MBNL2: variants seen among roughly 807,000 people sequenced by gnomAD.
MBNL2 encodes the protein muscleblind like splicing regulator 2.
MBNL2 carries 17 observed loss-of-function variants against 41.9 expected under a neutral mutation model. The observed-to-expected ratio is 0.41, with a 90% CI of 0.28 to 0.61. The LOEUF (loss-of-function observed/expected upper bound fraction) is 0.61. Ranked by LOEUF, MBNL2 falls within the 20% of genes least tolerant of loss-of-function variation. MBNL2 has a pLI of 0.35. For synonymous variants in MBNL2, 195 were observed against 182.9 expected (o/e 1.07, Z -0.53); for missense variants, 336 against 505.6 (o/e 0.66, Z 3.22).
chr13:97,323,788 A>T lies in MBNL2; in HGVS notation c.175-10488A>T, dbSNP rs183123827. 5.5e-3 allele frequency among the ~76,000 whole-genome samples: 844 copies of T among 152,114 alleles called. 12 individuals carry two copies. Among genetic ancestry groups the T allele is most frequent in the African/African-American group, 0.019 (802 of 41,484 alleles). Reference sequence around the variant, plus strand: ...ATGGCTAGCTCTAATTAAAAAAAAAATTTTGTGGGTACATAGTAGGTGTAT... The same window carrying T: ...ATGGCTAGCTCTAATTAAAAAAAAATTTTTGTGGGTACATAGTAGGTGTAT... On this transcript the variant is annotated intron_variant, in intron 2 of 8. Coordinates refer to ENST00000679496, the MANE Select transcript of MBNL2 (RefSeq NM_001382683.1).
chr13:97,343,060 T>C lies in MBNL2; in HGVS notation c.384T>C (p.Ile128=), dbSNP rs1433734484. 1.2e-6 allele frequency: 2 copies of C among 1,614,014 alleles called. No homozygotes were observed. The highest frequency in any genetic ancestry group is 3.3e-5 in the Admixed American group (2 of 60,012). The part of the protein sequence containing the change: ...VGPAIGTNTA[I]SFAPYLAPVT... ...CCGCGATAGGGACAAATACGGCTAT[T>C]AGCTTTGCTCCTTACCTAGCACCTG... Residue 128 remains isoleucine, a synonymous_variant, in exon 4 of 9, where the codon ATT becomes ATC. Transcript: ENST00000679496.
the MBNL2 span, among the ~76,000 whole-genome samples, chr13:97,171,014 G>A: frequency 6.6e-6 from 1 of 152,282 alleles, no homozygotes; most frequent in South Asian, 2.1e-4. Flanking sequence ...CATAATTTTT[G>A]CAAAGGCAGT....
the MBNL2 span, among the ~76,000 whole-genome samples, chr13:97,206,011 T>C: frequency 1.1e-4 from 17 of 152,366 alleles, no homozygotes; most frequent in East Asian, 3.3e-3. Flanking sequence ...TTCACTTCTA[T>C]GATAAAAAAT....
At chr13:97,201,513 G>A in the MBNL2 span, among the ~76,000 whole-genome samples, 2 of 152,134 alleles carry the variant, frequency 1.3e-5, no homozygotes, top group African/African-American at 2.4e-5. Flanking sequence ...ACAGGAAAGA[G>A]GCTATTTGAA....
chr13:97,201,647 T>A, the MBNL2 span, among the ~76,000 whole-genome samples: 1 of 152,222 alleles, frequency 6.6e-6, no homozygotes. Context: ...AGTAGATACA[T>A]TGAAATTATA....
chr13:97,175,446 G>T, the MBNL2 span, among the ~76,000 whole-genome samples: 3 of 152,186 alleles, frequency 2.0e-5, no homozygotes, highest in Non-Finnish European at 1.5e-5. Flanking sequence ...CCTGGGGACT[G>T]ACCCACACAC....
intron 2 of MBNL2, among the ~76,000 whole-genome samples, chr13:97,326,654 C>T (rs1383944108): frequency 1.3e-5 from 2 of 152,006 alleles, no homozygotes; most frequent in Admixed American, 6.6e-5. Flanking sequence ...ATTCTGAAGC[C>T]GTTATGTGAT....
chr13:97,155,783 A>T, the MBNL2 span, among the ~76,000 whole-genome samples: 3 of 151,884 alleles, frequency 2.0e-5, no homozygotes, highest in African/African-American at 7.3e-5. Flanking sequence ...CATTTTCTTA[A>T]TCCAGTCTAT....
chr13:97,248,470 G>C (rs2045915908), intron 1 of MBNL2, among the ~76,000 whole-genome samples: 1 of 152,132 alleles, frequency 6.6e-6, no homozygotes, highest in Non-Finnish European at 1.5e-5. Context: ...TGAGGCTCTT[G>C]TACATGGGTG....
chr13:97,154,940 G>A, the MBNL2 span, among the ~76,000 whole-genome samples: 9 of 152,064 alleles, frequency 5.9e-5, no homozygotes, highest in African/African-American at 1.2e-4. Context: ...TTGAGGAGGC[G>A]ATGCTGAGAG....
At chr13:97,142,502 C>T in the MBNL2 span, among the ~76,000 whole-genome samples, 3 of 152,212 alleles carry the variant, frequency 2.0e-5, no homozygotes, top group Admixed American at 6.5e-5. Flanking sequence ...TTCATCAAAA[C>T]CTAAAGTGAA....
the MBNL2 span, among the ~76,000 whole-genome samples, chr13:97,168,488 A>AT: frequency 6.6e-6 from 1 of 151,952 alleles, no homozygotes; most frequent in South Asian, 2.1e-4. Context: ...TTTGTGCTTT[A>AT]TTTTTTCCCC....
At chr13:97,316,577 G>C (rs553889484) in intron 2 of MBNL2, among the ~76,000 whole-genome samples, 1 of 152,262 alleles carries the variant, frequency 6.6e-6, no homozygotes, top group South Asian at 2.1e-4. Flanking sequence ...CTGACCCTCA[G>C]ATGCACCAGG....
chr13:97,175,195 C>T, the MBNL2 span, among the ~76,000 whole-genome samples: 4 of 152,164 alleles, frequency 2.6e-5, no homozygotes, highest in African/African-American at 4.8e-5. Flanking sequence ...AACTACACTG[C>T]AATCGTGGGC....
intron 2 of MBNL2, among the ~76,000 whole-genome samples, chr13:97,293,273 T>A (rs540040864): frequency 1.1e-4 from 17 of 152,340 alleles, no homozygotes; most frequent in Middle Eastern, 6.8e-3. Context: ...TTTTCTAGTT[T>A]GCTTGACTGC....
chr13:97,328,032 G>A (rs182806536), intron 2 of MBNL2, among the ~76,000 whole-genome samples: 7 of 152,200 alleles, frequency 4.6e-5, no homozygotes, highest in African/African-American at 1.2e-4. Flanking sequence ...TTGAAAGTCC[G>A]TGAGGCAGAA....
chr13:97,252,225 T>C (rs1413245641), intron 1 of MBNL2, among the ~76,000 whole-genome samples: 1 of 152,228 alleles, frequency 6.6e-6, no homozygotes, highest in Non-Finnish European at 1.5e-5. Flanking sequence ...TTCTGTCTAT[T>C]CTTTCCATAA....
At chr13:97,162,344 A>C in the MBNL2 span, among the ~76,000 whole-genome samples, 1 of 152,212 alleles carries the variant, frequency 6.6e-6, no homozygotes, top group African/African-American at 2.4e-5. Flanking sequence ...GTAGGAGAAG[A>C]GGAAAGAGAC....
chr13:97,208,860 G>T, the MBNL2 span, among the ~76,000 whole-genome samples: 1 of 152,208 alleles, frequency 6.6e-6, no homozygotes, highest in Non-Finnish European at 1.5e-5. Context: ...AGAATGGTAA[G>T]TATGACCTAA....
Sources: allele counts gnomAD v4.1 joint callset (sites outside exome capture counted in the v4.1 genomes callset), GRCh38; gene constraint gnomAD v4.1.1; transcripts MANE v1.5; gene names NCBI Gene and HGNC (gene_info 2026-07-23, HGNC 2026-07-21).